Variants in FAM3B observed in about 807,000 individuals in gnomAD.
The protein encoded by FAM3B is FAM3 metabolism regulating signaling molecule B.
In FAM3B, 29 loss-of-function variants were observed where a neutral mutation model predicts 28.4. That is an observed-to-expected ratio of 1.02 (90% CI 0.76 to 1.39). The LOEUF is 1.39. FAM3B is among the 40% of genes most tolerant of loss of function. The pLI is 0.00. For missense variants in FAM3B, 266 were observed against 293.9 expected (o/e 0.91, Z 0.69); for synonymous variants, 91 against 103.0 (o/e 0.88, Z 0.71).
chr21:41,316,013 C>T (rs77787479), upstream of FAM3B, among the ~76,000 whole-genome samples: 239 of 152,258 alleles, frequency 1.6e-3, 5 homozygotes, highest in East Asian at 0.02. Flanking sequence ...CAACTGGGCT[C>T]GGAGTTTTAA....
chr21:41,349,778 C>T (rs927759668), intron 7 of FAM3B, among the ~76,000 whole-genome samples: 5 of 152,212 alleles, frequency 3.3e-5, no homozygotes, highest in African/African-American at 1.2e-4. Context: ...CTGTGACCCC[C>T]TCTAGTCTCA....
intron 2 of FAM3B, among the ~76,000 whole-genome samples, chr21:41,336,282 G>A (rs1173148825): frequency 6.6e-6 from 1 of 152,324 alleles, no homozygotes; most frequent in Non-Finnish European, 1.5e-5. Flanking sequence ...AGCACTTTGG[G>A]AGGCCGAGGT....
chr21:41,333,035 G>A (rs2088920361), intron 2 of FAM3B, among the ~76,000 whole-genome samples: 2 of 148,762 alleles, frequency 1.3e-5, no homozygotes, highest in African/African-American at 2.5e-5. Flanking sequence ...GGTTGTTTAT[G>A]TGAGACCTTT....
At position 41,322,969 on chromosome 21, in the gene FAM3B, G is replaced by A. The variant is rs780205057; in HGVS notation, c.66G>A (p.Trp22Ter). Reference protein sequence around the residue: ...VFVVFASLCAWYSGYLLAELI... With the variant: ...VFVVFASLCA ...TGGTCTTCGCCTCCTTGTGTGCCTG[G>A]TATTCGGGGTACCTGCTCGCAGAGC... The change falls in exon 2 of 8, where the codon TGG (tryptophan) becomes TGA (stop). Residue 22 changes from tryptophan (W) to a stop codon, truncating the protein, a stop_gained. Transcript: ENST00000357985. LOFTEE classifies it high-confidence loss of function. The A allele has an allele frequency of 1.9e-5, 31 of 1,612,918 alleles. No individual in the cohort carries two copies. The South Asian group carries it at 2.9e-4, about 15-fold the overall frequency.
intron 2 of FAM3B, among the ~76,000 whole-genome samples, chr21:41,331,612 T>C (rs1363589136): frequency 6.6e-6 from 1 of 152,234 alleles, no homozygotes; most frequent in East Asian, 1.9e-4. Flanking sequence ...TGACTTTTTA[T>C]GTGGTGTGAG....
At position 41,356,541 on chromosome 21, in the gene FAM3B, T is replaced by C. The variant is rs181982548; in HGVS notation, c.619-567T>C. On this transcript the variant is annotated intron_variant, in intron 7 of 7. Coordinates refer to ENST00000357985, the MANE Select transcript of FAM3B (RefSeq NM_058186.4). ...TGAATGCATTACCTCCTTTGCACCA[T>C]TGTAAAGTTAAACCACCATGAGTTG... Among the ~76,000 whole-genome samples, 134 of 152,302 alleles carry C rather than the reference T, an allele frequency of 8.8e-4. 1 individual carries two copies. The highest frequency in any genetic ancestry group is 2.7e-3 in the South Asian group (13 of 4,830).
chr21:41,316,998 C>A, intron 1 of FAM3B, 100 bp downstream of exon 1: 1 of 1,101,432 alleles, frequency 9.1e-7, no homozygotes, highest in Non-Finnish European at 1.2e-6. Context: ...CCACGCTTAG[C>A]AAAAGCGGGA....
rs563203640 is a variant in FAM3B, at chr21:41,341,534, C to T, written c.288-2942C>T. Among the ~76,000 whole-genome samples the T allele has an allele frequency of 3.3e-5, 5 of 152,324 alleles. No individual in the cohort carries two copies. The East Asian group carries it at 9.6e-4, about 29-fold the overall frequency. ...TTGGTAGTTTTACTGCCTAAGCATG[C>T]ATTGCAAAATACTGTTATTTAATTC... On this transcript the variant is annotated intron_variant, in intron 3 of 7. Transcript: ENST00000357985.
At chr21:41,324,077 G>C (rs1270465284) in intron 2 of FAM3B, among the ~76,000 whole-genome samples, 3 of 152,078 alleles carry the variant, frequency 2.0e-5, no homozygotes, top group African/African-American at 7.2e-5. Context: ...ATTCCTGAAG[G>C]CTTCATCTGC....
intron 2 of FAM3B, among the ~76,000 whole-genome samples, chr21:41,337,232 G>C (rs1336965403): frequency 9.2e-5 from 14 of 152,244 alleles, no homozygotes; most frequent in Non-Finnish European, 1.8e-4. Flanking sequence ...AGGTGAGAGA[G>C]TGAGAGAGTG....
chr21:41,330,232 A>G (rs2088892937), intron 2 of FAM3B, among the ~76,000 whole-genome samples: 2 of 152,078 alleles, frequency 1.3e-5, no homozygotes, highest in Non-Finnish European at 2.9e-5. Context: ...GAGCAGCGAC[A>G]TGACACTCCA....
At chr21:41,352,824 T>TAAATAAATAAATAAAC (rs1428789090) in intron 7 of FAM3B, among the ~76,000 whole-genome samples, 23 of 151,634 alleles carry the variant, frequency 1.5e-4, no homozygotes, top group Admixed American at 8.6e-4. Context: ...AATAAATAAA[T>TAAATAAATAAATAAAC]AAAGGAAGAA....
At chr21:41,340,921 A>G (rs2089000798) in intron 3 of FAM3B, among the ~76,000 whole-genome samples, 1 of 152,024 alleles carries the variant, frequency 6.6e-6, no homozygotes, top group South Asian at 2.1e-4. Context: ...CTATATATAT[A>G]TATAAAATTA....
intron 2 of FAM3B, among the ~76,000 whole-genome samples, chr21:41,335,994 A>G (rs1421986095): frequency 6.6e-6 from 1 of 152,166 alleles, no homozygotes; most frequent in Admixed American, 6.5e-5. Flanking sequence ...CTCATTACTC[A>G]TCTGTCAGTA....
At chr21:41,341,407 A>G (rs1169000859) in intron 3 of FAM3B, among the ~76,000 whole-genome samples, 1 of 152,214 alleles carries the variant, frequency 6.6e-6, no homozygotes, top group Non-Finnish European at 1.5e-5. Context: ...CTAGCACCCC[A>G]TAAGCCCTCT....
intron 2 of FAM3B, among the ~76,000 whole-genome samples, chr21:41,324,102 C>T (rs1404261229): frequency 6.6e-6 from 1 of 152,160 alleles, no homozygotes; most frequent in Non-Finnish European, 1.5e-5. Context: ...GGCCCCACCT[C>T]CTAACACCAG....
intron 2 of FAM3B, among the ~76,000 whole-genome samples, chr21:41,331,746 T>C (rs746178555): frequency 1.9e-4 from 29 of 152,226 alleles, no homozygotes; most frequent in Non-Finnish European, 3.4e-4. Flanking sequence ...GAGCTTTTCA[T>C]ATGTGGTCTT....
chr21:41,327,382 A>T (rs1190558075), intron 2 of FAM3B, among the ~76,000 whole-genome samples: 5 of 152,218 alleles, frequency 3.3e-5, no homozygotes, highest in Non-Finnish European at 5.9e-5. Flanking sequence ...TTTGAGGCTT[A>T]TTGACCAGAA....
chr21:41,338,540 A>C (rs749806815), intron 3 of FAM3B, 39 bp downstream of exon 3: 2 of 1,611,076 alleles, frequency 1.2e-6, no homozygotes, highest in South Asian at 2.2e-5. Context: ...AAGCGATCCT[A>C]CTGATTCTTG....
Sources: gnomAD v4.1 joint callset for allele counts (sites outside exome capture counted in the v4.1 genomes callset) on GRCh38, gnomAD v4.1.1 for gene constraint, MANE v1.5 for transcripts, NCBI Gene and HGNC (gene_info 2026-07-23, HGNC 2026-07-21) for gene names.